UNC13C: variants seen among roughly 807,000 people sequenced by gnomAD.
UNC13C encodes protein unc-13 homolog C.
Under a neutral mutation model 245.4 loss-of-function variants are expected in UNC13C, and 174 were observed. The observed-to-expected ratio is 0.71, with a 90% CI of 0.63 to 0.80. UNC13C has a LOEUF of 0.80. UNC13C is among the 30% of genes least tolerant of loss of function. The pLI is 0.00. For synonymous variants in UNC13C, 992 were observed against 895.1 expected (o/e 1.11, Z -1.93); for missense variants, 2,829 against 2,602.9 (o/e 1.09, Z -1.89).
At chr15:54,285,835 C>T (rs2414292) in intron 10 of UNC13C, among the ~76,000 whole-genome samples, 81,500 of 151,198 alleles carry the variant, frequency 0.54, 23,926 homozygotes, top group African/African-American at 0.78. Context: ...TTTTTATATA[C>T]GTATATATTT....
intron 2 of UNC13C, among the ~76,000 whole-genome samples, chr15:54,107,640 T>C (rs1196911041): frequency 1.3e-5 from 2 of 152,222 alleles, no homozygotes; most frequent in Non-Finnish European, 2.9e-5. Context: ...ATGCTGCTTC[T>C]TTTATGCAGA....
chr15:54,414,996 T>A lies in UNC13C; in HGVS notation c.4862T>A (p.Leu1621Gln). ...TTTGGTTTTAGGTTTCCTCAAGAGC[T>A]GAACATGGGAAAAATAAGTGCCGAA... ...TPVLNQFPQELNMGKISAEIM... is the reference protein window; with the variant it reads ...TPVLNQFPQEQNMGKISAEIM... Residue 1621 changes from leucine (L) to glutamine (Q), a missense_variant, in exon 19 of 33, where the codon CTG becomes CAG. Transcript: ENST00000260323. 6.2e-7 allele frequency: 1 copy of A among 1,612,854 alleles called. No homozygotes were observed. The highest frequency in any genetic ancestry group is 8.5e-7 in the Non-Finnish European group (1 of 1,179,372).
chr15:54,426,587 A>G (rs931563304), intron 19 of UNC13C, among the ~76,000 whole-genome samples: 2 of 151,730 alleles, frequency 1.3e-5, no homozygotes, highest in African/African-American at 4.8e-5. Flanking sequence ...GAAGCAAGTC[A>G]TTAGGTCAAG....
At chr15:53,895,017 T>C in the UNC13C span, among the ~76,000 whole-genome samples, 1 of 151,994 alleles carries the variant, frequency 6.6e-6, no homozygotes, top group Non-Finnish European at 1.5e-5. Flanking sequence ...AATTATCTAG[T>C]GATCAGTTTC....
the UNC13C span, among the ~76,000 whole-genome samples, chr15:53,883,139 A>T: frequency 6.6e-6 from 1 of 152,198 alleles, no homozygotes; most frequent in East Asian, 1.9e-4. Context: ...GTAGGAAAAG[A>T]TTTAATAGTG....
At chr15:54,093,615 G>A (rs1179240404) in intron 2 of UNC13C, among the ~76,000 whole-genome samples, 1 of 152,156 alleles carries the variant, frequency 6.6e-6, no homozygotes, top group Non-Finnish European at 1.5e-5. Context: ...TGCTGCAATG[G>A]TCTTGACTTA....
intron 19 of UNC13C, among the ~76,000 whole-genome samples, chr15:54,450,860 G>A (rs758204987): frequency 4.6e-5 from 7 of 152,132 alleles, no homozygotes; most frequent in African/African-American, 1.2e-4. Flanking sequence ...CTTCTGCATC[G>A]CTCACACTGG....
intron 30 of UNC13C, among the ~76,000 whole-genome samples, chr15:54,600,813 A>AGC (rs1272442166): frequency 6.6e-6 from 1 of 152,096 alleles, no homozygotes; most frequent in African/African-American, 2.4e-5. Flanking sequence ...TCATGGACCA[A>AGC]GCACCAATCT....
chr15:54,446,544 C>G (rs944420143), intron 19 of UNC13C, among the ~76,000 whole-genome samples: 1 of 152,120 alleles, frequency 6.6e-6, no homozygotes, highest in African/African-American at 2.4e-5. Flanking sequence ...GTATTTTATT[C>G]TCTTTGAAGC....
chr15:53,966,864 A>G, the UNC13C span, among the ~76,000 whole-genome samples: 635 of 151,962 alleles, frequency 4.2e-3, 3 homozygotes, highest in Non-Finnish European at 7.2e-3. Context: ...TATTATATCT[A>G]TGTTAGATTT....
the UNC13C span, among the ~76,000 whole-genome samples, chr15:53,862,450 G>T: frequency 6.6e-6 from 1 of 152,064 alleles, no homozygotes; most frequent in Non-Finnish European, 1.5e-5. Flanking sequence ...GGTCTGGAAA[G>T]CTTTCTCTAG....
intron 27 of UNC13C, 71 bp downstream of exon 27, chr15:54,546,916 C>T: frequency 2.3e-6 from 3 of 1,312,468 alleles, no homozygotes; most frequent in Non-Finnish European, 3.1e-6. Context: ...GGTTTTCATC[C>T]AGATGAAATA....
At chr15:54,630,013 C>A (rs1901420100), downstream of UNC13C, 1 of 152,110 alleles carries the variant, frequency 6.6e-6, no homozygotes, top group Non-Finnish European at 1.5e-5. Context: ...TATTTACTTA[C>A]CCAAATTAGT....
At chr15:54,562,383 C>A (rs1485648839) in intron 29 of UNC13C, among the ~76,000 whole-genome samples, 1 of 151,880 alleles carries the variant, frequency 6.6e-6, no homozygotes, top group Admixed American at 6.6e-5. Flanking sequence ...TATTTTCTAG[C>A]ATATTATAAG....
chr15:54,218,196 T>A (rs2035101287), intron 4 of UNC13C, among the ~76,000 whole-genome samples: 1 of 151,990 alleles, frequency 6.6e-6, no homozygotes, highest in Non-Finnish European at 1.5e-5. Context: ...GACATCCTCC[T>A]GTCAGTAACA....
chr15:54,175,347 A>T (rs1023647966), intron 4 of UNC13C, among the ~76,000 whole-genome samples: 3 of 152,142 alleles, frequency 2.0e-5, no homozygotes, highest in Non-Finnish European at 4.4e-5. Flanking sequence ...GAGGAGCAGA[A>T]GCCATGGTGT....
At chr15:53,875,253 A>T in the UNC13C span, among the ~76,000 whole-genome samples, 1 of 152,254 alleles carries the variant, frequency 6.6e-6, no homozygotes, top group African/African-American at 2.4e-5. Flanking sequence ...AAAGAAAAGC[A>T]GTGTTCATGG....
chr15:54,272,968 A>C (rs1220439525), intron 10 of UNC13C, among the ~76,000 whole-genome samples: 1 of 152,208 alleles, frequency 6.6e-6, no homozygotes, highest in Non-Finnish European at 1.5e-5. Context: ...CAGGGGTGCA[A>C]GGTGCTATGA....
At chr15:54,443,029 T>A (rs1890615581) in intron 19 of UNC13C, among the ~76,000 whole-genome samples, 1 of 152,096 alleles carries the variant, frequency 6.6e-6, no homozygotes, top group Non-Finnish European at 1.5e-5. Context: ...AATTTGAGAG[T>A]GAAGTCATCT....
Sources: allele counts gnomAD v4.1 joint callset (sites outside exome capture counted in the v4.1 genomes callset), GRCh38; gene constraint gnomAD v4.1.1; transcripts MANE v1.5; gene names NCBI Gene and HGNC (gene_info 2026-07-23, HGNC 2026-07-21).